SLC25A19: variants seen among roughly 807,000 people sequenced by gnomAD.
The protein encoded by SLC25A19 is mitochondrial thiamine pyrophosphate carrier.
A neutral mutation model predicts 27.9 loss-of-function variants in SLC25A19; 18 were observed. The observed-to-expected ratio is 0.64, with a 90% CI of 0.45 to 0.96. The LOEUF is 0.96. Among genes scored for constraint, SLC25A19 ranks in the 40% least tolerant of loss-of-function variants. SLC25A19 has a pLI of 0.00. For synonymous variants in SLC25A19, 169 were observed against 167.1 expected, an observed-to-expected ratio of 1.01 and a Z score of -0.09; for missense variants, 371 against 418.3, an observed-to-expected ratio of 0.89 and a Z score of 0.99.
chr17:75,276,885 G>A lies in SLC25A19; in HGVS notation c.774+468C>T, dbSNP rs187173711. 3.0e-3 allele frequency among the ~76,000 whole-genome samples: 438 copies of A among 146,480 alleles called. 6 individuals carry two copies. The highest frequency in any genetic ancestry group is 0.011 in the African/African-American group (423 of 39,560). ...TTTTTAGTAGAGATGGGCTTTCACC[G>A]TGTTATCCAGGATGGTCTCGATCTC... On this transcript the variant is annotated intron_variant, in intron 7 of 7. Coordinates refer to ENST00000416858, the MANE Select transcript of SLC25A19 (RefSeq NM_001126121.2).
intron 5 of SLC25A19, among the ~76,000 whole-genome samples, chr17:75,279,612 G>A (rs953787404): frequency 1.3e-5 from 2 of 149,872 alleles, no homozygotes; most frequent in African/African-American, 2.5e-5. Flanking sequence ...AGGTTCAAGC[G>A]ATTGTCCTGC....
In SLC25A19 at chr17:75,273,286, G is replaced by C. The variant is rs1196535134; in HGVS notation, c.*165C>G. On this transcript the variant is annotated 3_prime_UTR_variant, in exon 8 of 8. Coordinates refer to ENST00000416858, the MANE Select transcript of SLC25A19 (RefSeq NM_001126121.2). ...TCCCTCTGATTCTCTCATGGGGAGA[G>C]CCCTGGACCTTCTGGTGGTGTCCCA... The C allele has an allele frequency of 1.5e-6, 1 of 679,122 alleles. No homozygotes were observed. The highest frequency in any genetic ancestry group is 2.5e-6 in the Non-Finnish European group (1 of 392,644). 42.1% of individuals were successfully genotyped at this position (679,122 alleles called of 1,614,324 possible).
chr17:75,273,636 G>C lies in SLC25A19; in HGVS notation c.778C>G (p.Arg260Gly), dbSNP rs186632688. 1.9e-6 allele frequency: 3 copies of C among 1,612,270 alleles called. No individual in the cohort carries two copies. Among genetic ancestry groups the C allele is most frequent in the Non-Finnish European group, 2.5e-6 (3 of 1,179,768 alleles). ...CAGTCCATGAGGCCCTTGTATCTCC[G>C]TACCTGGGGAGAGGAAAGGGATGAA... ...EHARAAFGQVRRYKGLMDCAK... is the reference protein window; with the variant it reads ...EHARAAFGQVGRYKGLMDCAK... The change falls in exon 8 of 8, where the codon CGG becomes GGG. Residue 260 changes from arginine to glycine, a missense_variant. Arg to Gly is a moderately radical substitution (Grantham distance 125). Transcript: ENST00000416858.
At position 75,273,280 on chromosome 17, in the gene SLC25A19, G is replaced by C. The variant is rs1317014354; in HGVS notation, c.*171C>G. The C allele has an allele frequency of 1.5e-6, 1 of 652,910 alleles. No homozygotes were observed. The highest frequency in any genetic ancestry group is 2.7e-5 in the Admixed American group (1 of 37,318). The allele number at this position is 652,910 out of a possible 1,614,324, so 40.4% of individuals were successfully genotyped here. On this transcript the variant is annotated 3_prime_UTR_variant, in exon 8 of 8. Coordinates refer to ENST00000416858, the MANE Select transcript of SLC25A19 (RefSeq NM_001126121.2). ...CTGCATTCCCTCTGATTCTCTCATGGGGAGAGCCCTGGACCTTCTGGTGGT... is the reference window on the plus strand; with the variant it reads ...CTGCATTCCCTCTGATTCTCTCATGCGGAGAGCCCTGGACCTTCTGGTGGT...
chr17:75,279,805 C>G (rs1006592338), intron 5 of SLC25A19, among the ~76,000 whole-genome samples: 1 of 152,164 alleles, frequency 6.6e-6, no homozygotes, highest in Non-Finnish European at 1.5e-5. Flanking sequence ...TCGCGCCCAG[C>G]CCAATTCTTT....
chr17:75,277,114 A>C (rs1487047534), intron 7 of SLC25A19, among the ~76,000 whole-genome samples: 3 of 151,702 alleles, frequency 2.0e-5, no homozygotes, highest in Non-Finnish European at 4.4e-5. Flanking sequence ...CCTCTATTTT[A>C]AAGAAAAAAA....
In SLC25A19 at chr17:75,278,228, G is replaced by A. The variant is rs370578595; in HGVS notation, c.567C>T (p.Ala189=). 8.1e-5 allele frequency: 130 copies of A among 1,614,018 alleles called. 1 individual carries two copies. The highest frequency in any genetic ancestry group is 6.9e-4 in the South Asian group (63 of 91,078). ...AGCTGTAGCAAGAGAACTGCAGCCC[G>A]GCGTAGGGGAAGATGGCGATCAAGG... is the stretch of plus-strand genomic sequence containing the variant. ...APTLIAIFPY[A]GLQFSCYSSL... The change falls in exon 6 of 8, where the codon GCC becomes GCT. Residue 189 remains alanine, a synonymous_variant. Transcript: ENST00000416858.
chr17:75,283,362 C>T, intron 5 of SLC25A19, 61 bp downstream of exon 5: 4 of 1,500,984 alleles, frequency 2.7e-6, no homozygotes, highest in Non-Finnish European at 3.7e-6. Context: ...ATAAAGAATG[C>T]TACCCCTGTG....
At chr17:75,275,963 T>A (rs558103166) in intron 7 of SLC25A19, among the ~76,000 whole-genome samples, 29 of 146,846 alleles carry the variant, frequency 2.0e-4, no homozygotes, top group African/African-American at 6.9e-4. Flanking sequence ...AGAGCGAGAC[T>A]CCGTCTCAAA....
At chr17:75,278,828 C>G (rs1018937300) in intron 5 of SLC25A19, among the ~76,000 whole-genome samples, 6 of 151,658 alleles carry the variant, frequency 4.0e-5, no homozygotes, top group Admixed American at 1.3e-4. Context: ...ACTAAAAATA[C>G]AAAAATTAGC....
At chr17:75,278,125 C>G (rs2077939768) in intron 6 of SLC25A19, 27 bp downstream of exon 6, 2 of 1,610,766 alleles carry the variant, frequency 1.2e-6, no homozygotes, top group Non-Finnish European at 1.7e-6. Context: ...GGTGGGAGGG[C>G]TCCCTCTCGT....
At chr17:75,277,718 C>A (rs913203334) in intron 6 of SLC25A19, among the ~76,000 whole-genome samples, 11 of 152,056 alleles carry the variant, frequency 7.2e-5, no homozygotes, top group Non-Finnish European at 1.6e-4. Context: ...GGCCGCAGTC[C>A]CCCAGCTGGA....
intron 5 of SLC25A19, among the ~76,000 whole-genome samples, chr17:75,280,423 A>G (rs2078010229): frequency 6.6e-6 from 1 of 152,000 alleles, no homozygotes; most frequent in Non-Finnish European, 1.5e-5. Context: ...TAATCCCAGC[A>G]CTTTGGGAGG....
At chr17:75,273,716 T>G (rs1455597210) in intron 7 of SLC25A19, 77 bp from the exon 8 acceptor site, 9 of 1,343,472 alleles carry the variant, frequency 6.7e-6, no homozygotes, top group Non-Finnish European at 9.6e-6. Flanking sequence ...ATCACAGATC[T>G]TAAGAAGTAC....
Position 75,280,605 on chromosome 17 carries a change from G to C in SLC25A19, c.460-2270C>G, listed in dbSNP as rs1202069620. Among the ~76,000 whole-genome samples the C allele has an allele frequency of 2.6e-5, 4 of 151,732 alleles. 1 individual carries two copies. Among genetic ancestry groups the C allele is most frequent in the Admixed American group, 2.6e-4 (4 of 15,240 alleles). On this transcript the variant is annotated intron_variant, in intron 5 of 7. Transcript: ENST00000416858. Reference sequence around the variant, plus strand: ...AGAGATGGGTGGATCACAAGGTCAGGAGTTCAAGACCAGCCTGGCCAACAT... The same window carrying C: ...AGAGATGGGTGGATCACAAGGTCAGCAGTTCAAGACCAGCCTGGCCAACAT...
chr17:75,273,002 G>C lies in SLC25A19; in HGVS notation c.*449C>G. On this transcript the variant is annotated 3_prime_UTR_variant, in exon 8 of 8. Coordinates refer to ENST00000416858, the MANE Select transcript of SLC25A19 (RefSeq NM_001126121.2). ...GAGTAAGATAAGGAATGTGTGTTTAGCTTTAATGTCTATTAAATAGGTTGG... is the reference window on the plus strand; with the variant it reads ...GAGTAAGATAAGGAATGTGTGTTTACCTTTAATGTCTATTAAATAGGTTGG... 3.0e-6 allele frequency: 1 copy of C among 330,958 alleles called. No individual in the cohort carries two copies. Among genetic ancestry groups the C allele is most frequent in the Non-Finnish European group, 6.0e-6 (1 of 167,802 alleles). 20.5% of individuals were successfully genotyped at this position (330,958 alleles called of 1,614,324 possible). A position where few individuals can be genotyped will look rare whatever the true frequency, so the allele number is the denominator to read the frequency against.
intron 4 of SLC25A19, among the ~76,000 whole-genome samples, chr17:75,285,603 C>T (rs979845212): frequency 6.6e-6 from 1 of 152,174 alleles, no homozygotes; most frequent in Admixed American, 6.5e-5. Context: ...AGGTGGGGGT[C>T]GTGGCTCTGC....
chr17:75,273,481 G>C lies in SLC25A19; in HGVS notation c.933C>G (p.His311Gln). ...FSYEFFCNVF[H>Q]CMNRTASQR ...GCTGGCTGGCTGTCCTGTTCATGCA[G>C]TGGAAGACATTACAGAAGAATTCAT... The change falls in exon 8 of 8, where the codon CAC becomes CAG. Residue 311 changes from histidine (H) to glutamine (Q), a missense_variant. His to Gln is a conservative substitution (Grantham distance 24). Coordinates refer to ENST00000416858, the MANE Select transcript of SLC25A19 (RefSeq NM_001126121.2). The C allele has an allele frequency of 1.2e-6, 2 of 1,614,154 alleles. No homozygotes were observed. The highest frequency in any genetic ancestry group is 2.2e-5 in the East Asian group (1 of 44,884).
At chr17:75,275,957 C>G (rs4788879) in intron 7 of SLC25A19, among the ~76,000 whole-genome samples, 82,188 of 150,354 alleles carry the variant, frequency 0.55, 27,076 homozygotes, top group East Asian at 0.86. Flanking sequence ...GGCAAAAGAG[C>G]GAGACTCCGT....
Sources: allele counts gnomAD v4.1 joint callset (sites outside exome capture counted in the v4.1 genomes callset), GRCh38; gene constraint gnomAD v4.1.1; transcripts MANE v1.5; gene names NCBI Gene and HGNC (gene_info 2026-07-23, HGNC 2026-07-21).